AGBL1: variants seen among roughly 807,000 people sequenced by gnomAD.
AGBL1 encodes cytosolic carboxypeptidase 4.
A neutral mutation model predicts 118.9 loss-of-function variants in AGBL1; 130 were observed. The observed-to-expected ratio is 1.09, with a 90% CI of 0.95 to 1.26. The LOEUF is 1.26. AGBL1 is among the 50% of genes most tolerant of loss of function. AGBL1 has a pLI of 0.00. For synonymous variants in AGBL1, 555 were observed against 478.9 expected, an observed-to-expected ratio of 1.16 and a Z score of -2.08; for missense variants, 1,584 against 1,298.1, an observed-to-expected ratio of 1.22 and a Z score of -3.38.
chr15:86,504,068 C>T (rs1172323498), intron 18 of AGBL1, among the ~76,000 whole-genome samples: 2 of 151,620 alleles, frequency 1.3e-5, no homozygotes, highest in Non-Finnish European at 3.0e-5. Flanking sequence ...TACTTCATTT[C>T]TTTTAGTTAT....
chr15:86,431,353 G>A (rs1378673730), intron 18 of AGBL1, among the ~76,000 whole-genome samples: 1 of 152,142 alleles, frequency 6.6e-6, no homozygotes, highest in Non-Finnish European at 1.5e-5. Flanking sequence ...TATTTAGTAG[G>A]GTAATCTTTA....
At chr15:86,211,165 A>G (rs2078090368) in intron 5 of AGBL1, among the ~76,000 whole-genome samples, 1 of 152,168 alleles carries the variant, frequency 6.6e-6, no homozygotes, top group Non-Finnish European at 1.5e-5. Flanking sequence ...AACAGCAAAT[A>G]TTGCATTACA....
intron 16 of AGBL1, among the ~76,000 whole-genome samples, chr15:86,290,939 T>C (rs903875174): frequency 6.6e-5 from 10 of 151,866 alleles, no homozygotes; most frequent in South Asian, 4.2e-4. Context: ...GAATATGCGG[T>C]GTTTGGTTTT....
chr15:86,285,639 C>T (rs946046620), intron 16 of AGBL1, among the ~76,000 whole-genome samples: 8 of 152,158 alleles, frequency 5.3e-5, no homozygotes, highest in Non-Finnish European at 1.2e-4. Context: ...TTACACATGA[C>T]CCAGTCTCGG....
intron 17 of AGBL1, among the ~76,000 whole-genome samples, chr15:86,311,678 A>T (rs1004782525): frequency 6.6e-6 from 1 of 152,092 alleles, no homozygotes; most frequent in East Asian, 1.9e-4. Context: ...TTGTAAGATG[A>T]CTAATTTACC....
intron 6 of AGBL1, among the ~76,000 whole-genome samples, chr15:86,245,382 G>T (rs2078703570): frequency 6.6e-6 from 1 of 152,166 alleles, no homozygotes; most frequent in Non-Finnish European, 1.5e-5. Context: ...CAGTGTGAAT[G>T]GTTTCGATGA....
At chr15:86,836,854 C>G (rs2079177200) in intron 22 of AGBL1, among the ~76,000 whole-genome samples, 1 of 152,150 alleles carries the variant, frequency 6.6e-6, no homozygotes, top group South Asian at 2.1e-4. Flanking sequence ...GTAGCCATTC[C>G]TGCTATGTCT....
At chr15:86,424,923 T>A (rs61602301) in intron 18 of AGBL1, among the ~76,000 whole-genome samples, 1 of 152,150 alleles carries the variant, frequency 6.6e-6, no homozygotes. Context: ...GAAATAGGCA[T>A]GCTTTTACAC....
chr15:87,006,548 G>A (rs1006393419), intron 24 of AGBL1, among the ~76,000 whole-genome samples: 1 of 152,144 alleles, frequency 6.6e-6, no homozygotes, highest in African/African-American at 2.4e-5. Context: ...GAAAAGTGCA[G>A]TATTAGGGTG....
At chr15:87,026,933 C>T (rs2081733655) in intron 24 of AGBL1, among the ~76,000 whole-genome samples, 1 of 151,904 alleles carries the variant, frequency 6.6e-6, no homozygotes, top group African/African-American at 2.4e-5. Context: ...GGGAGCTAAG[C>T]TATGAGGATG....
At chr15:86,374,548 T>C (rs1463602699) in intron 17 of AGBL1, among the ~76,000 whole-genome samples, 1 of 152,188 alleles carries the variant, frequency 6.6e-6, no homozygotes, top group Non-Finnish European at 1.5e-5. Flanking sequence ...ATGACAACAA[T>C]GATTGGAGTT....
At chr15:86,745,926 C>G (rs1255940626) in intron 22 of AGBL1, among the ~76,000 whole-genome samples, 2 of 152,094 alleles carry the variant, frequency 1.3e-5, no homozygotes, top group Non-Finnish European at 2.9e-5. Flanking sequence ...CAGAGCACAT[C>G]TGGTCTAAGA....
chr15:86,304,604 C>T (rs923164210), intron 17 of AGBL1, among the ~76,000 whole-genome samples: 1 of 152,156 alleles, frequency 6.6e-6, no homozygotes, highest in Non-Finnish European at 1.5e-5. Flanking sequence ...TAAGTGAAAT[C>T]CCTGAACCTG....
intron 23 of AGBL1, among the ~76,000 whole-genome samples, chr15:86,971,113 C>T (rs558268212): frequency 6.6e-6 from 1 of 151,962 alleles, no homozygotes; most frequent in East Asian, 1.9e-4. Context: ...AGGGACAACT[C>T]GAATTCAGGA....
intron 18 of AGBL1, among the ~76,000 whole-genome samples, chr15:86,495,557 T>G (rs2082839873): frequency 6.6e-6 from 1 of 151,940 alleles, no homozygotes; most frequent in Non-Finnish European, 1.5e-5. Context: ...AGATTCTGTT[T>G]TTTGATGCCA....
chr15:86,479,749 G>T (rs573914715), intron 18 of AGBL1, among the ~76,000 whole-genome samples: 1 of 152,186 alleles, frequency 6.6e-6, no homozygotes, highest in Non-Finnish European at 1.5e-5. Context: ...ATACCCAAAA[G>T]ATTATAAATC....
At chr15:86,260,926 T>C (rs1246851141) in intron 9 of AGBL1, among the ~76,000 whole-genome samples, 1 of 152,148 alleles carries the variant, frequency 6.6e-6, no homozygotes, top group East Asian at 1.9e-4. Flanking sequence ...CAAAAGGAGG[T>C]GGCAACCTGG....
At position 86,327,572 on chromosome 15, in the gene AGBL1, G is replaced by A. The variant is rs765392276; in HGVS notation, c.2374+32164G>A. Reference sequence around the variant, plus strand: ...GAGACAATAAATCTTAGGCATATGTGCCCAGCAGAAGTGTTTGTATATGCA... The same window carrying A: ...GAGACAATAAATCTTAGGCATATGTACCCAGCAGAAGTGTTTGTATATGCA... On this transcript the variant is annotated intron_variant, in intron 17 of 22. Transcript: ENST00000614907. Among the ~76,000 whole-genome samples, 166 of 152,288 alleles carry A rather than the reference G, an allele frequency of 1.1e-3. 2 individuals are homozygous for A. The highest frequency in any genetic ancestry group is 1.2e-3 in the South Asian group (6 of 4,828).
At chr15:86,637,082 A>T (rs1053731555) in intron 21 of AGBL1, among the ~76,000 whole-genome samples, 4 of 152,064 alleles carry the variant, frequency 2.6e-5, no homozygotes, top group African/African-American at 9.7e-5. Flanking sequence ...GCACCATCCA[A>T]TCATTTATTC....
Sources: allele counts gnomAD v4.1 joint callset (sites outside exome capture counted in the v4.1 genomes callset), GRCh38; gene constraint gnomAD v4.1.1; transcripts MANE v1.5; gene names NCBI Gene and HGNC (gene_info 2026-07-23, HGNC 2026-07-21).